The following RICTOR variants were observed in gnomAD, a reference collection of about 807,000 sequenced individuals.
The protein encoded by RICTOR is rapamycin-insensitive companion of mTOR.
In RICTOR, 49 loss-of-function variants were observed where a neutral mutation model predicts 214.9. The observed-to-expected ratio is 0.23, with a 90% CI of 0.18 to 0.29. The LOEUF is 0.29. Among genes scored for constraint, RICTOR ranks in the 10% least tolerant of loss-of-function variants. The pLI is 1.00. For synonymous variants in RICTOR, 717 were observed against 711.3 expected, an observed-to-expected ratio of 1.01 and a Z score of -0.13; for missense variants, 1,625 against 2,047.0, an observed-to-expected ratio of 0.79 and a Z score of 3.98.
At chr5:39,033,018 A>G (rs1404418179) in intron 2 of RICTOR, among the ~76,000 whole-genome samples, 1 of 152,194 alleles carries the variant, frequency 6.6e-6, no homozygotes, top group Non-Finnish European at 1.5e-5. Flanking sequence ...TATAACACAT[A>G]TATCTGATTT....
At chr5:39,033,592 G>T (rs1756428311) in intron 2 of RICTOR, among the ~76,000 whole-genome samples, 1 of 152,026 alleles carries the variant, frequency 6.6e-6, no homozygotes, top group East Asian at 1.9e-4. Context: ...AATAATGATG[G>T]CAGAAAGAGT....
rs769767383 is a variant in RICTOR at position 38,944,990 on chromosome 5, G to A, written c.4712C>T (p.Ser1571Leu). The change falls in exon 35 of 38, where the codon TCG becomes TTG. Residue 1571 changes from serine to leucine, a missense_variant. Ser to Leu is a moderately radical substitution (Grantham distance 145). This residue lies in a region of RICTOR where 1,214 missense variants were observed against 1,470.5 expected (regional missense o/e 0.83). Transcript: ENST00000357387. ...NPLEVVPSKF[S>L]GISGCSDGVS... ...CCCATCACTGCATCCAGAAATCCCC[G>A]AAAACTTAGAGGGAACCACTTCTAA... is the stretch of plus-strand genomic sequence containing the variant. 8.1e-6 allele frequency: 13 copies of A among 1,613,338 alleles called. No homozygotes were observed. The highest frequency in any genetic ancestry group is 3.3e-5 in the Admixed American group (2 of 59,996).
chr5:38,997,808 A>G (rs1753288056), intron 5 of RICTOR, among the ~76,000 whole-genome samples: 1 of 152,196 alleles, frequency 6.6e-6, no homozygotes, highest in Admixed American at 6.5e-5. Flanking sequence ...GCAGAGTCCT[A>G]ACAGAAAGCA....
At chr5:38,978,482 A>G (rs1262903520) in intron 9 of RICTOR, 101 bp downstream of exon 9, 1 of 459,016 alleles carries the variant, frequency 2.2e-6, no homozygotes, top group Non-Finnish European at 3.8e-6. Context: ...ATTTATTTAA[A>G]CTCACATTTC....
intron 25 of RICTOR, among the ~76,000 whole-genome samples, chr5:38,956,836 T>C (rs1749304479): frequency 6.6e-6 from 1 of 152,172 alleles, no homozygotes; most frequent in Non-Finnish European, 1.5e-5. Flanking sequence ...GTTCTACAAT[T>C]CATCAAATAC....
chr5:39,023,412 A>T (rs1160736952), intron 2 of RICTOR, among the ~76,000 whole-genome samples: 1 of 152,178 alleles, frequency 6.6e-6, no homozygotes, highest in Non-Finnish European at 1.5e-5. Context: ...ATGAAGCAAC[A>T]TCTTTAAAGT....
At chr5:39,046,198 G>T (rs1019634131) in intron 2 of RICTOR, among the ~76,000 whole-genome samples, 6 of 150,132 alleles carry the variant, frequency 4.0e-5, no homozygotes, top group Non-Finnish European at 8.9e-5. Context: ...AAAAATTAGG[G>T]GAAAAAAAAA....
intron 2 of RICTOR, among the ~76,000 whole-genome samples, chr5:39,046,199 G>GA (rs1003906833): frequency 3.5e-4 from 50 of 143,524 alleles, no homozygotes; most frequent in Middle Eastern, 3.6e-3. Context: ...AAAATTAGGG[G>GA]AAAAAAAAAA....
At chr5:39,033,494 C>T (rs1374402833) in intron 2 of RICTOR, among the ~76,000 whole-genome samples, 1 of 152,102 alleles carries the variant, frequency 6.6e-6, no homozygotes, top group Non-Finnish European at 1.5e-5. Context: ...GAACTCCTGA[C>T]CTCCTGATCC....
intron 7 of RICTOR, among the ~76,000 whole-genome samples, chr5:38,990,692 T>TATATCATATATATGATATATCA (rs1372635285): frequency 5.8e-5 from 2 of 34,564 alleles, no homozygotes; most frequent in East Asian, 5.4e-4. Flanking sequence ...ATCATATATA[T>TATATCATATATATGATATATCA]GATATATATC....
chr5:39,004,094 G>C (rs1753842501), intron 3 of RICTOR, among the ~76,000 whole-genome samples: 1 of 152,014 alleles, frequency 6.6e-6, no homozygotes, highest in Admixed American at 6.6e-5. Context: ...GGTTTTAACA[G>C]TATTTAGTCA....
rs748125650 is a variant in RICTOR, at chr5:38,945,611, C to G, written c.4513G>C (p.Glu1505Gln). ...TGTAGTCCAGTGTCTTCTGTACTTTCTAAAAACAGAGAGGCATCTGAATGG... is the reference window on the plus strand; with the variant it reads ...TGTAGTCCAGTGTCTTCTGTACTTTGTAAAAACAGAGAGGCATCTGAATGG... ...SIHSDASLFL[E>Q]STEDTGLQEH... Residue 1505 changes from glutamate (E) to glutamine (Q), a missense_variant, in exon 34 of 38, where the codon GAA (glutamate) becomes CAA (glutamine). Physicochemically the swap from Glu to Gln is conservative, Grantham distance 29. Around this residue, in one of 5 missense-constraint regions of RICTOR, gnomAD observed 1,214 missense variants for 1,470.5 expected, o/e 0.83. Transcript: ENST00000357387. 3.1e-6 allele frequency: 5 copies of G among 1,613,032 alleles called. No individual in the cohort carries two copies. In the South Asian group the frequency reaches 4.4e-5, roughly 14 times the overall value.
At chr5:38,969,115 C>T (rs1346763171) in intron 11 of RICTOR, among the ~76,000 whole-genome samples, 1 of 151,556 alleles carries the variant, frequency 6.6e-6, no homozygotes, top group Non-Finnish European at 1.5e-5. Context: ...GGATTATAGG[C>T]ACCTGCCACC....
intron 3 of RICTOR, among the ~76,000 whole-genome samples, chr5:39,012,640 C>T (rs1754625597): frequency 2.6e-5 from 4 of 152,074 alleles, no homozygotes; most frequent in Non-Finnish European, 4.4e-5. Context: ...TAATGTAAGT[C>T]ATTAAAATGT....
At position 38,960,500 on chromosome 5, in the gene RICTOR, G is replaced by C; in HGVS notation, c.1749C>G (p.Pro583=). 6.2e-7 allele frequency: 1 copy of C among 1,613,674 alleles called. No individual in the cohort carries two copies. The highest frequency in any genetic ancestry group is 8.5e-7 in the Non-Finnish European group (1 of 1,179,694). Residue 583 remains proline, a synonymous_variant, in exon 20 of 38, where the codon CCC becomes CCG. Coordinates refer to ENST00000357387, the MANE Select transcript of RICTOR (RefSeq NM_152756.5). ...FVRRLLYFYK[P]SSKLYANLDL... ...CCAGGTTGGCATATAATTTACTGCT[G>C]GGCTTGTAAAAATAAAGTAGTCTTC...
rs571681081 is a variant in RICTOR, at chr5:38,949,293, T to C, written c.4136+419A>G. On this transcript the variant is annotated intron_variant, in intron 31 of 37. Coordinates refer to ENST00000357387, the MANE Select transcript of RICTOR (RefSeq NM_152756.5). ...AAAGTGAAAATAATTTCACTGAAAT[T>C]TTCATTTATCTTTTTAAAAAAATAA... is the stretch of plus-strand genomic sequence containing the variant. The C allele has an allele frequency of 6.9e-5, 74 of 1,070,318 alleles. No individual in the cohort carries two copies. In the South Asian group the frequency reaches 1.1e-3, roughly 16 times the overall value. The allele number at this position is 1,070,318 out of a possible 1,614,324, so 66.3% of individuals were successfully genotyped here. A position where few individuals can be genotyped will look rare whatever the true frequency, so the allele number is the denominator to read the frequency against.
At chr5:39,000,159 T>C (rs1753504210) in intron 5 of RICTOR, among the ~76,000 whole-genome samples, 1 of 151,892 alleles carries the variant, frequency 6.6e-6, no homozygotes, top group Admixed American at 6.6e-5. Flanking sequence ...TGAAAAATAA[T>C]TGAGTCTATA....
At chr5:39,035,550 T>C (rs1176461307) in intron 2 of RICTOR, among the ~76,000 whole-genome samples, 1 of 151,822 alleles carries the variant, frequency 6.6e-6, no homozygotes, top group Non-Finnish European at 1.5e-5. Context: ...TTCGAACCAA[T>C]GGCAAAGAAG....
At chr5:39,065,276 A>C (rs1341054064) in intron 2 of RICTOR, among the ~76,000 whole-genome samples, 1 of 152,168 alleles carries the variant, frequency 6.6e-6, no homozygotes, top group African/African-American at 2.4e-5. Flanking sequence ...GGAAGGAGCC[A>C]CAGGCTTTTA....
Sources: gnomAD v4.1 joint callset for allele counts (sites outside exome capture counted in the v4.1 genomes callset) on GRCh38, gnomAD v4.1.1 for gene constraint, gnomAD v4.1.1 regional missense constraint, MANE v1.5 for transcripts, NCBI Gene and HGNC (gene_info 2026-07-23, HGNC 2026-07-21) for gene names.